Variants in IQGAP1 observed in about 807,000 individuals in gnomAD.
IQGAP1 encodes ras GTPase-activating-like protein IQGAP1.
In IQGAP1, 66 loss-of-function variants were observed where a neutral mutation model predicts 215.6. The ratio of observed to expected loss-of-function variants is 0.31; its 90% CI spans 0.25 to 0.38. The LOEUF is 0.38. IQGAP1 is among the 10% of genes least tolerant of loss of function. The pLI is 1.00. For synonymous variants in IQGAP1, 772 were observed against 728.7 expected, an observed-to-expected ratio of 1.06 and a Z score of -0.96; for missense variants, 1,712 against 1,997.1, an observed-to-expected ratio of 0.86 and a Z score of 2.72.
chr15:90,453,063 A>T (rs1965628505), intron 12 of IQGAP1, 69 bp from the exon 13 acceptor site: 3 of 1,556,400 alleles, frequency 1.9e-6, no homozygotes. Context: ...GTTTTATTAA[A>T]CTTATAACTC....
intron 2 of IQGAP1, among the ~76,000 whole-genome samples, chr15:90,416,278 C>T (rs2151009583): frequency 6.6e-6 from 1 of 152,042 alleles, no homozygotes; most frequent in Admixed American, 6.6e-5. Flanking sequence ...TGTATATGTG[C>T]CACATTTTCT....
At chr15:90,457,571 C>T (rs1174994159) in intron 15 of IQGAP1, among the ~76,000 whole-genome samples, 4 of 150,336 alleles carry the variant, frequency 2.7e-5, no homozygotes, top group Admixed American at 1.3e-4. Context: ...GGATTACAGG[C>T]GAGAGCCACC....
chr15:90,453,151 A>G lies in IQGAP1; in HGVS notation c.1346A>G (p.Glu449Gly), dbSNP rs1419845800. The change falls in exon 13 of 38, where the codon GAG (glutamate) becomes GGG (glycine). Residue 449 changes from glutamate to glycine, a missense_variant. Physicochemically the swap from Glu to Gly is moderately conservative, Grantham distance 98. Coordinates refer to ENST00000268182, the MANE Select transcript of IQGAP1 (RefSeq NM_003870.4). ...QSPEHNLTHP[E>G]LSVAVEMLSS... is the part of the protein sequence containing the mutation. ...GTACAGCATAATCTCACCCACCCAG[A>G]GCTCTCTGTCGCAGTGGAGATGTTG... is the stretch of plus-strand genomic sequence containing the variant. 1.9e-6 allele frequency: 3 copies of G among 1,613,002 alleles called. No homozygotes were observed. Among genetic ancestry groups the G allele is most frequent in the Non-Finnish European group, 2.5e-6 (3 of 1,179,560 alleles).
At chr15:90,427,769 A>T (rs1965245874) in intron 3 of IQGAP1, among the ~76,000 whole-genome samples, 1 of 152,054 alleles carries the variant, frequency 6.6e-6, no homozygotes, top group African/African-American at 2.4e-5. Context: ...GTTGACAAGG[A>T]CCAAATTTTC....
intron 2 of IQGAP1, among the ~76,000 whole-genome samples, chr15:90,421,747 G>C (rs1021462685): frequency 7.2e-5 from 11 of 152,184 alleles, no homozygotes; most frequent in Admixed American, 3.9e-4. Context: ...AGGCTGGAGT[G>C]CAGTGATGCA....
chr15:90,440,483 T>TAATCA lies in IQGAP1; in HGVS notation c.536-18_536-17insATCAA. 4.6e-6 allele frequency: 7 copies of TAATCA among 1,513,158 alleles called. No homozygotes were observed. Among genetic ancestry groups the TAATCA allele is most frequent in the Non-Finnish European group, 6.3e-6 (7 of 1,110,166 alleles). The allele number at this position is 1,513,158 out of a possible 1,614,324, so 93.7% of individuals were successfully genotyped here. ...AGGGTGCTTAGCTTGATTGACTGAT[T>TAATCA]ATTAATTCCCTCCTGTAGAAGAAGA... On this transcript the variant is annotated intron_variant, in intron 6 of 37. Transcript: ENST00000268182.
chr15:90,420,218 A>T (rs576520713), intron 2 of IQGAP1, among the ~76,000 whole-genome samples: 3 of 152,126 alleles, frequency 2.0e-5, no homozygotes, highest in Non-Finnish European at 4.4e-5. Context: ...ATCTTATTTA[A>T]TCCTCAATGA....
intron 30 of IQGAP1, 80 bp from the exon 31 acceptor site, chr15:90,485,950 C>A: frequency 1.9e-6 from 2 of 1,036,666 alleles, no homozygotes; most frequent in South Asian, 1.4e-5. Flanking sequence ...CCTCTTTGTG[C>A]AGATCATTGT....
chr15:90,473,536 G>T (rs1052012352), intron 19 of IQGAP1, 179 bp from the exon 20 acceptor site: 12 of 583,410 alleles, frequency 2.1e-5, no homozygotes, highest in Admixed American at 1.8e-4. Context: ...TGTAGCCATC[G>T]TGTTCTTCCA....
At chr15:90,402,620 A>G (rs889383371) in intron 2 of IQGAP1, among the ~76,000 whole-genome samples, 3 of 152,222 alleles carry the variant, frequency 2.0e-5, no homozygotes, top group Admixed American at 6.5e-5. Context: ...GTATTTATTC[A>G]TAAGGTTAAA....
At chr15:90,442,993 T>A (rs1241392836) in intron 8 of IQGAP1, among the ~76,000 whole-genome samples, 1 of 151,918 alleles carries the variant, frequency 6.6e-6, no homozygotes, top group Non-Finnish European at 1.5e-5. Flanking sequence ...AGAATCTCGC[T>A]CAGTCACCTA....
intron 2 of IQGAP1, among the ~76,000 whole-genome samples, chr15:90,423,205 C>T (rs1965172865): frequency 6.6e-6 from 1 of 152,142 alleles, no homozygotes; most frequent in African/African-American, 2.4e-5. Flanking sequence ...AAAATGTTAA[C>T]ATGGCACTTT....
At chr15:90,481,031 GA>G (rs1255371933) in intron 26 of IQGAP1, among the ~76,000 whole-genome samples, 7 of 152,240 alleles carry the variant, frequency 4.6e-5, no homozygotes, top group Middle Eastern at 3.4e-3. Context: ...TAAAACAACC[GA>G]AAGTCATGGT....
At chr15:90,481,269 C>CTTTTTTTTTTTTTTTTTTT (rs57452745) in intron 26 of IQGAP1, among the ~76,000 whole-genome samples, 1 of 113,180 alleles carries the variant, frequency 8.8e-6, no homozygotes, top group Admixed American at 8.8e-5. Context: ...CTCTCTGCCT[C>CTTTTTTTTTTTTTTTTTTT]TTTTTTTTTT....
chr15:90,469,950 A>G (rs1387318783), intron 18 of IQGAP1, among the ~76,000 whole-genome samples: 1 of 152,160 alleles, frequency 6.6e-6, no homozygotes, highest in African/African-American at 2.4e-5. Context: ...TTGAGGGCCT[A>G]ATGTGCTGTG....
chr15:90,490,495 G>A (rs1281266001), intron 33 of IQGAP1, among the ~76,000 whole-genome samples: 3 of 152,010 alleles, frequency 2.0e-5, no homozygotes, highest in African/African-American at 7.2e-5. Flanking sequence ...CAGTATCAAG[G>A]GAAGGTGTTT....
At chr15:90,474,721 G>A in intron 23 of IQGAP1, 28 bp downstream of exon 23, 1 of 1,538,662 alleles carries the variant, frequency 6.5e-7, no homozygotes, top group Non-Finnish European at 9.0e-7. Flanking sequence ...CGGGGGCCTT[G>A]GAACGGTTCA....
At chr15:90,440,157 G>T (rs1965427775) in intron 6 of IQGAP1, among the ~76,000 whole-genome samples, 1 of 152,190 alleles carries the variant, frequency 6.6e-6, no homozygotes, top group Non-Finnish European at 1.5e-5. Context: ...TGAGATAACT[G>T]ACTTAGTTTG....
At position 90,426,157 on chromosome 15, in the gene IQGAP1, T is replaced by G; in HGVS notation, c.203T>G (p.Leu68Arg). 8 of 1,605,396 alleles carry G rather than the reference T, an allele frequency of 5.0e-6. No individual in the cohort carries two copies. The highest frequency in any genetic ancestry group is 1.7e-5 in the Admixed American group (1 of 58,568). ...LGEDLPPTTELEEGLRNGVYL... is the reference protein window; with the variant it reads ...LGEDLPPTTEREEGLRNGVYL... ...GAAGATCTGCCTCCCACCACAGAAC[T>G]GGAGGAGGGGCTTAGGAATGGGGTC... The change falls in exon 3 of 38, where the codon CTG becomes CGG. Residue 68 changes from leucine (L) to arginine (R), a missense_variant. Around this residue, in one of 2 missense-constraint regions of IQGAP1, gnomAD observed 1,021 missense variants for 1,074.2 expected, o/e 0.95. Transcript: ENST00000268182.
Sources: allele counts gnomAD v4.1 joint callset (sites outside exome capture counted in the v4.1 genomes callset), GRCh38; gene constraint gnomAD v4.1.1; regional missense constraint gnomAD v4.1.1; transcripts MANE v1.5; gene names NCBI Gene and HGNC (gene_info 2026-07-23, HGNC 2026-07-21).